Variants in CCDC3 observed in about 807,000 individuals in gnomAD.
CCDC3 encodes coiled-coil domain-containing protein 3.
A neutral mutation model predicts 21.4 loss-of-function variants in CCDC3; 24 were observed. The ratio of observed to expected loss-of-function variants is 1.12; its 90% CI spans 0.81 to 1.58. CCDC3 has a LOEUF of 1.58. Among genes scored for constraint, CCDC3 ranks in the 40% most tolerant of loss-of-function variants. CCDC3 has a pLI of 0.00. For synonymous variants in CCDC3, 186 were observed against 166.0 expected, an observed-to-expected ratio of 1.12 and a Z score of -0.93; for missense variants, 425 against 360.9, an observed-to-expected ratio of 1.18 and a Z score of -1.44.
In CCDC3 at chr10:13,081,950, G is replaced by A. The variant is rs1345617060; in HGVS notation, c.-502-7850C>T. 2.0e-5 allele frequency among the ~76,000 whole-genome samples: 3 copies of A among 152,336 alleles called. No individual in the cohort carries two copies. In the East Asian group the frequency reaches 5.8e-4, roughly 29 times the overall value. ...TTTCAAAATCCTACAGCCTGTGACA[G>A]TGAACTGTGCCAAACTCTCTCTGCT... On this transcript the variant is annotated intron_variant, in intron 3 of 6. Transcript: ENST00000378839.
intron 2 of CCDC3, among the ~76,000 whole-genome samples, chr10:12,976,798 T>C (rs1302262128): frequency 2.1e-5 from 3 of 146,144 alleles, no homozygotes; most frequent in Admixed American, 7.0e-5. Flanking sequence ...ATTACACATT[T>C]GTCTACACCC....
rs561084625 is a variant in CCDC3, at chr10:12,950,107, C to T, written c.549+48231G>A. Among the ~76,000 whole-genome samples the T allele has an allele frequency of 8.7e-4, 132 of 152,310 alleles. 1 individual carries two copies. Among genetic ancestry groups the T allele is most frequent in the African/African-American group, 3.0e-3 (123 of 41,570 alleles). On this transcript the variant is annotated intron_variant, in intron 2 of 2. Transcript: ENST00000378825. ...ATGCCCCCAGCCTCCCATTCCCTTT[C>T]CTGCATCTACTGTTCTCTCTCCTTG...
upstream of CCDC3, among the ~76,000 whole-genome samples, chr10:13,004,108 C>T (rs988930841): frequency 4.6e-5 from 7 of 152,204 alleles, no homozygotes; most frequent in African/African-American, 1.2e-4. Context: ...TTAATAGTGA[C>T]ATGAGCCACT....
At position 12,978,308 on chromosome 10, in the gene CCDC3, C is replaced by T. The variant is rs553844860; in HGVS notation, c.549+20030G>A. On this transcript the variant is annotated intron_variant, in intron 2 of 2. Transcript: ENST00000378825. ...TGCTGGGACTACAGGCATGCGCCACCGCACCTGGCCATATTTTCCACACTC... is the reference window on the plus strand; with the variant it reads ...TGCTGGGACTACAGGCATGCGCCACTGCACCTGGCCATATTTTCCACACTC... Among the ~76,000 whole-genome samples, 117 of 152,324 alleles carry T rather than the reference C, an allele frequency of 7.7e-4. 1 individual carries two copies. Among genetic ancestry groups the T allele is most frequent in the African/African-American group, 2.6e-3 (109 of 41,566 alleles).
At chr10:12,912,555 T>G (rs1222448052) in intron 2 of CCDC3, among the ~76,000 whole-genome samples, 1 of 151,598 alleles carries the variant, frequency 6.6e-6, no homozygotes, top group African/African-American at 2.4e-5. Context: ...TTCTTCCATT[T>G]CGTAGGTGTT....
intron 5 of CCDC3, among the ~76,000 whole-genome samples, chr10:13,039,524 AG>A (rs1836422100): frequency 6.6e-6 from 1 of 152,234 alleles, no homozygotes; most frequent in African/African-American, 2.4e-5. Flanking sequence ...TAAGCAATAA[AG>A]AACTAGGAGT....
intron 2 of CCDC3, among the ~76,000 whole-genome samples, chr10:12,916,227 A>T (rs532575435): frequency 2.8e-4 from 42 of 152,206 alleles, no homozygotes; most frequent in South Asian, 4.1e-4. Flanking sequence ...AGGGCAGGCG[A>T]TTGAGACCAG....
At chr10:12,933,393 G>T (rs1479007244) in intron 2 of CCDC3, among the ~76,000 whole-genome samples, 1 of 151,588 alleles carries the variant, frequency 6.6e-6, no homozygotes, top group Non-Finnish European at 1.5e-5. Flanking sequence ...GCCTTTTAAA[G>T]AATTGGTCCA....
chr10:12,981,939 A>G (rs941850897), intron 2 of CCDC3, among the ~76,000 whole-genome samples: 1 of 151,832 alleles, frequency 6.6e-6, no homozygotes, highest in African/African-American at 2.4e-5. Context: ...CCTGGCCAAC[A>G]TGGTGAAACC....
rs1836090138 is a variant in CCDC3, at chr10:13,017,815, TTG to T, written c.-1-19305_-1-19304del. ...GGGTTGACATCCATCAGGACTCAAA[TTG>T]GTGTGACTGATAAGGAAGGAAGAAA... On this transcript the variant is annotated intron_variant, in intron 5 of 6. Coordinates refer to the CCDC3 transcript ENST00000378839. Among the ~76,000 whole-genome samples, 2 of 152,092 alleles carry T rather than the reference TTG, an allele frequency of 1.3e-5. 1 individual carries two copies. Among genetic ancestry groups the T allele is most frequent in the Non-Finnish European group, 2.9e-5 (2 of 67,980 alleles).
chr10:12,926,977 C>T (rs72775698), intron 2 of CCDC3, among the ~76,000 whole-genome samples: 3,387 of 152,218 alleles, frequency 0.022, 48 homozygotes, highest in Middle Eastern at 0.054. Flanking sequence ...TACTCCAAAA[C>T]AATTTCCATT....
At chr10:12,958,983 A>C (rs1052226798) in intron 2 of CCDC3, among the ~76,000 whole-genome samples, 1 of 152,170 alleles carries the variant, frequency 6.6e-6, no homozygotes, top group African/African-American at 2.4e-5. Flanking sequence ...TGGGTAACCA[A>C]AGAAAAGTAA....
intron 2 of CCDC3, among the ~76,000 whole-genome samples, chr10:12,991,097 G>A (rs768059991): frequency 2.6e-5 from 4 of 152,120 alleles, no homozygotes; most frequent in South Asian, 2.1e-4. Context: ...GCACACTTGC[G>A]GGGATACCTT....
At chr10:12,916,239 C>T (rs537041646) in intron 2 of CCDC3, among the ~76,000 whole-genome samples, 26 of 152,228 alleles carry the variant, frequency 1.7e-4, no homozygotes, top group African/African-American at 6.3e-4. Flanking sequence ...TGAGACCAGC[C>T]TGGCCAACAT....
At chr10:13,045,219 T>C (rs1209704956) in intron 5 of CCDC3, among the ~76,000 whole-genome samples, 6 of 152,246 alleles carry the variant, frequency 3.9e-5, no homozygotes, top group Non-Finnish European at 7.3e-5. Flanking sequence ...AGCATGCATA[T>C]AAATTGAAAT....
chr10:13,090,249 T>C (rs10796020), intron 3 of CCDC3, among the ~76,000 whole-genome samples: 62,894 of 151,382 alleles, frequency 0.42, 13,743 homozygotes, highest in Admixed American at 0.49. Context: ...CCACCATGCC[T>C]AGCTAATTTA....
chr10:13,028,592 A>G (rs1353604726), intron 5 of CCDC3, among the ~76,000 whole-genome samples: 2 of 152,144 alleles, frequency 1.3e-5, no homozygotes, highest in Non-Finnish European at 2.9e-5. Context: ...AGGGTTGAAC[A>G]AAACATTTAG....
At chr10:13,094,399 G>A (rs187256910) in intron 3 of CCDC3, among the ~76,000 whole-genome samples, 64 of 152,114 alleles carry the variant, frequency 4.2e-4, no homozygotes, top group Non-Finnish European at 8.8e-4. Flanking sequence ...TGGGACTATA[G>A]GCGTGTGCCA....
chr10:12,937,054 A>G (rs1296601981), intron 2 of CCDC3, among the ~76,000 whole-genome samples: 1 of 152,142 alleles, frequency 6.6e-6, no homozygotes, highest in East Asian at 1.9e-4. Context: ...TTCTAGAGGT[A>G]AAACTCACAA....
Sources: gnomAD v4.1 joint callset for allele counts (sites outside exome capture counted in the v4.1 genomes callset) on GRCh38, gnomAD v4.1.1 for gene constraint, MANE v1.5 for transcripts, NCBI Gene and HGNC (gene_info 2026-07-23, HGNC 2026-07-21) for gene names.